Variants in NAPG observed in about 807,000 individuals in gnomAD.
The protein encoded by NAPG is gamma-soluble NSF attachment protein.
A neutral mutation model predicts 48.4 loss-of-function variants in NAPG; 25 were observed. That is an observed-to-expected ratio of 0.52 (90% CI 0.38 to 0.72). The LOEUF (loss-of-function observed/expected upper bound fraction) is 0.72, where lower values mean the gene tolerates loss of function less well. Among genes scored for constraint, NAPG ranks in the 30% least tolerant of loss-of-function variants. The pLI is 0.00. For synonymous variants in NAPG, 139 were observed against 127.2 expected (o/e 1.09, Z -0.62); for missense variants, 359 against 372.5 (o/e 0.96, Z 0.30).
rs778503849 is a variant in NAPG, at chr18:10,532,731, A to T, written c.145A>T (p.Lys49Ter). ...GKAAVAFKNA[K>*]QFEQAKDACL... ...TTCAGCTGTTGCTTTTAAAAATGCC[A>T]AACAGTTTGAGCAAGCAAAAGATGC... The change falls in exon 3 of 12, where the codon AAA (lysine) becomes TAA (stop). Residue 49 changes from lysine (K) to a stop codon, truncating the protein, a stop_gained. Coordinates refer to ENST00000322897, the MANE Select transcript of NAPG (RefSeq NM_003826.3). LOFTEE classifies it high-confidence loss of function. 1 of 1,588,776 alleles carries T rather than the reference A, an allele frequency of 6.3e-7. No individual in the cohort carries two copies. The highest frequency in any genetic ancestry group is 8.6e-7 in the Non-Finnish European group (1 of 1,166,172).
At position 10,526,112 on chromosome 18, in the gene NAPG, C is replaced by A. The variant is rs1243965556; in HGVS notation, c.10C>A (p.Gln4Lys). The A allele has an allele frequency of 1.2e-6, 2 of 1,613,660 alleles. No individual in the cohort carries two copies. Among genetic ancestry groups the A allele is most frequent in the Non-Finnish European group, 1.7e-6 (2 of 1,179,688 alleles). Residue 4 changes from glutamine (Q) to lysine (K), a missense_variant, in exon 1 of 12, where the codon CAG (glutamine) becomes AAG (lysine). Transcript: ENST00000322897. MAA[Q>K]KINEGLEHLA... ...AGACCTGACTGTGGAGATGGCGGCT[C>A]AGAAGATAAACGAGGGGCTGGAACA...
At chr18:10,540,494 T>A in intron 8 of NAPG, 95 bp downstream of exon 8, 1 of 997,156 alleles carries the variant, frequency 1.0e-6, no homozygotes, top group Non-Finnish European at 1.5e-6. Flanking sequence ...GTTAATTTTT[T>A]GGTATAAGCT....
rs922514402 is a variant in NAPG, at chr18:10,539,994, A to G, written c.375A>G (p.Ile125Met). ...GTTTTCTTGTCTGATTCAGGCTTATAGAAAATGTTGATCCAGAGAAGGCTG... is the reference window on the plus strand; with the variant it reads ...GTTTTCTTGTCTGATTCAGGCTTATGGAAAATGTTGATCCAGAGAAGGCTG... ...AMALERAGKL[I>M]ENVDPEKAVQ... Residue 125 changes from isoleucine to methionine, a missense_variant, in exon 7 of 12, where the codon ATA becomes ATG. Transcript: ENST00000322897. The surrounding 1 kb of genome is among the most constrained non-coding windows in gnomAD (Gnocchi z 4.7). 12 of 1,603,450 alleles carry G rather than the reference A, an allele frequency of 7.5e-6. No individual in the cohort carries two copies. The highest frequency in any genetic ancestry group is 1.0e-5 in the Non-Finnish European group (12 of 1,174,184).
rs2032307233 is a variant in NAPG, at chr18:10,548,167, A to G, written c.586-132A>G. On this transcript the variant is annotated intron_variant, in intron 9 of 11. Transcript: ENST00000322897. The surrounding 1 kb of genome is among the most constrained non-coding windows in gnomAD (Gnocchi z 4.4). ...CCTCAGGTGTCCCGTGGAAGTTACT[A>G]TAGCATTTATAAATCTCTGTTTATA... is the stretch of plus-strand genomic sequence containing the variant. The G allele has an allele frequency of 4.6e-6, 3 of 653,920 alleles. No individual in the cohort carries two copies. The highest frequency in any genetic ancestry group is 2.6e-5 in the Admixed American group (1 of 39,178). 40.5% of individuals were successfully genotyped at this position (653,920 alleles called of 1,614,324 possible).
At chr18:10,530,042 G>A (rs944411142) in intron 1 of NAPG, among the ~76,000 whole-genome samples, 2 of 152,208 alleles carry the variant, frequency 1.3e-5, no homozygotes, top group East Asian at 3.9e-4. Flanking sequence ...TGAGGAAAAG[G>A]CAAGTAAGTT....
At chr18:10,530,188 C>CTTTTTTTTTTTTTTTT (rs58597079) in intron 1 of NAPG, among the ~76,000 whole-genome samples, 5 of 67,322 alleles carry the variant, frequency 7.4e-5, no homozygotes, top group Non-Finnish European at 1.1e-4. Context: ...CGAGTTTTCA[C>CTTTTTTTTTTTTTTTT]TTTTTTTTTT....
In NAPG at chr18:10,548,001, G is replaced by T. The variant is rs1222849157; in HGVS notation, c.586-298G>T. ...CTTTAAAACGTGGTTGTGATCTAAG[G>T]CTTGTGTCAAAGTGCGGTCCCCAGA... On this transcript the variant is annotated intron_variant, in intron 9 of 11. Transcript: ENST00000322897. This position sits in a 1 kb window ranked among gnomAD's most constrained non-coding sequence, Gnocchi z 4.4. Among the ~76,000 whole-genome samples, 1 of 152,144 alleles carries T rather than the reference G, an allele frequency of 6.6e-6. No homozygotes were observed. The highest frequency in any genetic ancestry group is 2.4e-5 in the African/African-American group (1 of 41,426).
chr18:10,526,350 C>A, intron 1 of NAPG, 192 bp downstream of exon 1: 1 of 577,610 alleles, frequency 1.7e-6, no homozygotes. Flanking sequence ...CTCTGCGGCG[C>A]CTCGGGAAGC....
At chr18:10,526,231 G>C (rs1416165364) in intron 1 of NAPG, 73 bp downstream of exon 1, 8 of 914,942 alleles carry the variant, frequency 8.7e-6, no homozygotes, top group African/African-American at 4.9e-5. Flanking sequence ...CTTAGCACCC[G>C]GGGGGGGCGG....
At chr18:10,541,263 G>A (rs2032151297) in intron 8 of NAPG, among the ~76,000 whole-genome samples, 2 of 152,322 alleles carry the variant, frequency 1.3e-5, no homozygotes, top group South Asian at 2.1e-4. Flanking sequence ...TTCCTTCACT[G>A]AGGAGTATTT....
Position 10,543,110 on chromosome 18 carries a change from A to G in NAPG, c.506+2711A>G, listed in dbSNP as rs1382950967. ...GGAGAATCGCTTGAACCCAGGAGGC[A>G]CAGGTTGCAGTGAGACTCCCATCTC... On this transcript the variant is annotated intron_variant, in intron 8 of 11. Coordinates refer to ENST00000322897, the MANE Select transcript of NAPG (RefSeq NM_003826.3). This position sits in a 1 kb window ranked among gnomAD's most constrained non-coding sequence, Gnocchi z 4.4. Among the ~76,000 whole-genome samples the G allele has an allele frequency of 3.3e-5, 5 of 151,218 alleles. No homozygotes were observed. Among genetic ancestry groups the G allele is most frequent in the Non-Finnish European group, 1.5e-5 (1 of 67,776 alleles).
chr18:10,549,197 C>A, intron 11 of NAPG, 101 bp downstream of exon 11: 1 of 1,389,134 alleles, frequency 7.2e-7, no homozygotes, highest in Non-Finnish European at 9.7e-7. Flanking sequence ...TTTTTTCCTA[C>A]CTCTTTTTTT....
At chr18:10,549,697 T>C (rs985050630) in intron 11 of NAPG, among the ~76,000 whole-genome samples, 2 of 152,246 alleles carry the variant, frequency 1.3e-5, no homozygotes, top group African/African-American at 4.8e-5. Context: ...TCAGTAGATT[T>C]GTAAGTACCT....
chr18:10,545,006 C>T (rs982379844), intron 8 of NAPG, among the ~76,000 whole-genome samples: 6 of 152,092 alleles, frequency 3.9e-5, no homozygotes, highest in African/African-American at 1.4e-4. Context: ...ATACATGCCA[C>T]TATTTTTAAA....
At chr18:10,526,431 G>A in intron 1 of NAPG, 1 of 476,708 alleles carries the variant, frequency 2.1e-6, no homozygotes, top group Non-Finnish European at 3.7e-6. Context: ...GCAGTGCTGC[G>A]GGGCGAGGGC....
chr18:10,548,185 TG>T lies in NAPG; in HGVS notation c.586-113del. Reference sequence around the variant, plus strand: ...AGTTACTATAGCATTTATAAATCTCTGTTTATACAAACAAAGACTCTGAAAG... The same window carrying T: ...AGTTACTATAGCATTTATAAATCTCTTTTATACAAACAAAGACTCTGAAAG... On this transcript the variant is annotated intron_variant, in intron 9 of 11. Coordinates refer to ENST00000322897, the MANE Select transcript of NAPG (RefSeq NM_003826.3). This position sits in a 1 kb window ranked among gnomAD's most constrained non-coding sequence, Gnocchi z 4.4. The T allele has an allele frequency of 1.4e-6, 1 of 731,356 alleles. No individual in the cohort carries two copies. The highest frequency in any genetic ancestry group is 2.4e-6 in the Non-Finnish European group (1 of 422,146). 45.3% of individuals were successfully genotyped at this position (731,356 alleles called of 1,614,324 possible).
In NAPG at chr18:10,534,432, A is replaced by C; in HGVS notation, c.228-34A>C. 6.2e-7 allele frequency: 1 copy of C among 1,608,640 alleles called. No homozygotes were observed. Among genetic ancestry groups the C allele is most frequent in the Non-Finnish European group, 8.5e-7 (1 of 1,175,740 alleles). On this transcript the variant is annotated intron_variant, in intron 4 of 11. Transcript: ENST00000322897. The surrounding 1 kb of genome is among the most constrained non-coding windows in gnomAD (Gnocchi z 5.0). ...GTTTCTTCTACCCCTTATTTCGTTA[A>C]GATCTCATCAGAGAAATTATATTCT...
At chr18:10,526,778 C>A (rs529171805) in intron 1 of NAPG, 6 of 152,332 alleles carry the variant, frequency 3.9e-5, no homozygotes, top group African/African-American at 1.4e-4. Context: ...ACGTAGTAGG[C>A]ACCCTGCAAA....
chr18:10,551,223 C>T lies in NAPG; in HGVS notation c.*1003C>T, dbSNP rs894487356. ...AAGTGCTGGGATTGTAGACATAAGCCACCTCACCCAGCCTATGAATATCTT... is the reference window on the plus strand; with the variant it reads ...AAGTGCTGGGATTGTAGACATAAGCTACCTCACCCAGCCTATGAATATCTT... On this transcript the variant is annotated 3_prime_UTR_variant, in exon 12 of 12. Coordinates refer to ENST00000322897, the MANE Select transcript of NAPG (RefSeq NM_003826.3). 3 of 152,118 alleles carry T rather than the reference C, an allele frequency of 2.0e-5. No individual in the cohort carries two copies. The East Asian group carries it at 5.8e-4, about 29-fold the overall frequency. The allele number at this position is 152,118 out of a possible 1,614,324, so 9.4% of individuals were successfully genotyped here. A position where few individuals can be genotyped will look rare whatever the true frequency, so the allele number is the denominator to read the frequency against.
Sources: allele counts gnomAD v4.1 joint callset (sites outside exome capture counted in the v4.1 genomes callset), GRCh38; gene constraint gnomAD v4.1.1; non-coding constraint Gnocchi (gnomAD v3.1); transcripts MANE v1.5; gene names NCBI Gene and HGNC (gene_info 2026-07-23, HGNC 2026-07-21).